Variants in XKR9 observed in about 807,000 individuals in gnomAD.
XKR9 encodes the protein XK-related protein 9.
XKR9 carries 32 observed loss-of-function variants against 32.0 expected under a neutral mutation model. The observed-to-expected ratio is 1.00, with a 90% CI of 0.76 to 1.34. The LOEUF (loss-of-function observed/expected upper bound fraction) is 1.34. Among genes scored for constraint, XKR9 ranks in the 40% most tolerant of loss-of-function variants. XKR9 has a pLI of 0.00. For missense variants in XKR9, 546 were observed against 429.7 expected (o/e 1.27, Z -2.39); for synonymous variants, 168 against 143.4 (o/e 1.17, Z -1.22).
chr8:70,681,221 G>A lies in XKR9; in HGVS notation c.163G>A (p.Ala55Thr). The A allele has an allele frequency of 6.2e-7, 1 of 1,613,492 alleles. No individual in the cohort carries two copies. The highest frequency in any genetic ancestry group is 8.5e-7 in the Non-Finnish European group (1 of 1,179,612). The change falls in exon 3 of 5, where the codon GCT (alanine) becomes ACT (threonine). Residue 55 changes from alanine to threonine, a missense_variant. Transcript: ENST00000408926. ...LSFMLFGTLV[A>T]QCFSYSWFKA... ...CTTTATGCTTTTTGGAACACTTGTG[G>A]CTCAGTGTTTTAGTTATTCTTGGTT...
At position 70,680,976 on chromosome 8, in the gene XKR9, G is replaced by C; in HGVS notation, c.-83G>C. ...AATTAAAATTCAATGCTATACCAAA[G>C]GGTATACTAATATTTGTTTGGCTTT... is the stretch of plus-strand genomic sequence containing the variant. On this transcript the variant is annotated 5_prime_UTR_variant, in exon 3 of 5. Coordinates refer to ENST00000408926, the MANE Select transcript of XKR9 (RefSeq NM_001011720.2). 1.5e-6 allele frequency: 2 copies of C among 1,304,218 alleles called. No individual in the cohort carries two copies. The highest frequency in any genetic ancestry group is 4.7e-5 in the East Asian group (2 of 42,840). 80.8% of individuals were successfully genotyped at this position (1,304,218 alleles called of 1,614,324 possible). A position where few individuals can be genotyped will look rare whatever the true frequency, so the allele number is the denominator to read the frequency against.
chr8:70,856,805 C>G, the XKR9 span, among the ~76,000 whole-genome samples: 1 of 152,140 alleles, frequency 6.6e-6, no homozygotes, highest in Admixed American at 6.6e-5. Flanking sequence ...AACTAGAACT[C>G]AGGATTAAGA....
the XKR9 span, among the ~76,000 whole-genome samples, chr8:70,993,655 T>C: frequency 4.9e-5 from 7 of 143,626 alleles, no homozygotes; most frequent in Non-Finnish European, 1.1e-4. Flanking sequence ...CCTTCCTTCC[T>C]TCCTTCCTTC....
the XKR9 span, among the ~76,000 whole-genome samples, chr8:70,874,730 G>A: frequency 2.0e-5 from 3 of 152,162 alleles, no homozygotes; most frequent in African/African-American, 7.2e-5. Flanking sequence ...CCAGAGACTC[G>A]TGTAATGTCA....
At chr8:70,853,104 G>A in the XKR9 span, among the ~76,000 whole-genome samples, 1 of 151,982 alleles carries the variant, frequency 6.6e-6, no homozygotes, top group Non-Finnish European at 1.5e-5. Flanking sequence ...CAACAACATG[G>A]ATGGAAGTAT....
At chr8:70,717,516 C>T (rs1284755342) in intron 4 of XKR9, among the ~76,000 whole-genome samples, 1 of 152,172 alleles carries the variant, frequency 6.6e-6, no homozygotes, top group Non-Finnish European at 1.5e-5. Flanking sequence ...GAAGCAATGG[C>T]CTAAGCTTTA....
chr8:71,000,900 G>C, the XKR9 span, among the ~76,000 whole-genome samples: 1 of 152,206 alleles, frequency 6.6e-6, no homozygotes. Context: ...AAATGAGAGG[G>C]CTACTTCTTC....
chr8:70,895,410 A>G, the XKR9 span, among the ~76,000 whole-genome samples: 3 of 151,956 alleles, frequency 2.0e-5, no homozygotes, highest in East Asian at 5.8e-4. Context: ...GCTTCTAATT[A>G]ATTGGCTCTC....
chr8:71,064,356 T>A, the XKR9 span, among the ~76,000 whole-genome samples: 1 of 152,192 alleles, frequency 6.6e-6, no homozygotes, highest in Non-Finnish European at 1.5e-5. Flanking sequence ...TGTTATAAAG[T>A]TTTTTTAACT....
chr8:70,765,142 G>T (rs1807357909), intron 2 of XKR9, among the ~76,000 whole-genome samples: 1 of 152,114 alleles, frequency 6.6e-6, no homozygotes, highest in Non-Finnish European at 1.5e-5. Flanking sequence ...GATATTTCTG[G>T]TTCTAGATCC....
chr8:70,775,743 G>T (rs1807509692), intron 2 of XKR9, among the ~76,000 whole-genome samples: 2 of 135,248 alleles, frequency 1.5e-5, no homozygotes, highest in African/African-American at 5.1e-5. Context: ...GGGGAATATT[G>T]GTCATTTTTT....
At chr8:71,046,053 C>G in the XKR9 span, among the ~76,000 whole-genome samples, 1 of 152,128 alleles carries the variant, frequency 6.6e-6, no homozygotes, top group Non-Finnish European at 1.5e-5. Flanking sequence ...TTTCTTGTGA[C>G]TTGTACTCCT....
At chr8:70,978,067 T>C in the XKR9 span, among the ~76,000 whole-genome samples, 4 of 152,206 alleles carry the variant, frequency 2.6e-5, no homozygotes, top group African/African-American at 9.7e-5. Flanking sequence ...CCCATGCTTT[T>C]TTTGCTTTCC....
chr8:70,734,297 G>A lies in XKR9; in HGVS notation c.995G>A (p.Gly332Glu). ...SITIVLTLLL[G>E]ILFLIVYYGS... Reference sequence around the variant, plus strand: ...ACTATAGTTCTTACTCTTCTTCTTGGAATTCTTTTTCTTATTGTTTATTAT... The same window carrying A: ...ACTATAGTTCTTACTCTTCTTCTTGAAATTCTTTTTCTTATTGTTTATTAT... The change falls in exon 5 of 5, where the codon GGA (glycine) becomes GAA (glutamate). Residue 332 changes from glycine to glutamate, a missense_variant. Coordinates refer to ENST00000408926, the MANE Select transcript of XKR9 (RefSeq NM_001011720.2). 6.2e-7 allele frequency: 1 copy of A among 1,612,412 alleles called. No individual in the cohort carries two copies. The highest frequency in any genetic ancestry group is 1.7e-5 in the Admixed American group (1 of 59,866).
the XKR9 span, among the ~76,000 whole-genome samples, chr8:71,062,663 G>C: frequency 6.6e-6 from 1 of 151,970 alleles, no homozygotes; most frequent in Non-Finnish European, 1.5e-5. Flanking sequence ...AATTTCCACA[G>C]TGGAGTTGAT....
At chr8:71,031,793 A>G in the XKR9 span, among the ~76,000 whole-genome samples, 1 of 152,212 alleles carries the variant, frequency 6.6e-6, no homozygotes, top group African/African-American at 2.4e-5. Context: ...AAATTATACA[A>G]CCAATTTACA....
rs189091209 is a variant in XKR9 at position 70,782,497 on chromosome 8, C to G, written n.353-6842C>G. On this transcript the variant is annotated intron_variant and non_coding_transcript_variant, in intron 2 of 3. Coordinates refer to the XKR9 transcript ENST00000520273. ...CTGCATACAGTTGTAAAAAAAAATTCCTTCTGAGATTTTTTACCCTTTGAC... is the reference window on the plus strand; with the variant it reads ...CTGCATACAGTTGTAAAAAAAAATTGCTTCTGAGATTTTTTACCCTTTGAC... Among the ~76,000 whole-genome samples, 9 of 151,838 alleles carry G rather than the reference C, an allele frequency of 5.9e-5. No individual in the cohort carries two copies. The East Asian group carries it at 1.8e-3, about 30-fold the overall frequency.
At chr8:71,040,812 A>G in the XKR9 span, among the ~76,000 whole-genome samples, 2 of 152,164 alleles carry the variant, frequency 1.3e-5, no homozygotes, top group Non-Finnish European at 2.9e-5. Context: ...ATTTAAATGG[A>G]TAGTTTATTA....
the XKR9 span, among the ~76,000 whole-genome samples, chr8:70,965,085 G>A: frequency 3.9e-5 from 6 of 152,214 alleles, no homozygotes; most frequent in East Asian, 1.2e-3. Context: ...CTGTGGGTTT[G>A]TCATAAATGG....
Sources: gnomAD v4.1 joint callset for allele counts (sites outside exome capture counted in the v4.1 genomes callset) on GRCh38, gnomAD v4.1.1 for gene constraint, MANE v1.5 for transcripts, NCBI Gene and HGNC (gene_info 2026-07-23, HGNC 2026-07-21) for gene names.